Variants in ABCA10 observed in about 807,000 individuals in gnomAD.
ABCA10 encodes the protein ATP-binding cassette sub-family A member 10.
ABCA10 carries 169 observed loss-of-function variants against 187.5 expected under a neutral mutation model. The ratio of observed to expected loss-of-function variants is 0.90; its 90% CI spans 0.80 to 1.02. The LOEUF is 1.02. ABCA10 is among the 50% of genes least tolerant of loss of function. The pLI, the probability that ABCA10 is intolerant of heterozygous loss-of-function variation, is 0.00. For synonymous variants in ABCA10, 574 were observed against 601.8 expected (o/e 0.95, Z 0.68); for missense variants, 1,727 against 1,812.4 (o/e 0.95, Z 0.86).
chr17:69,195,912 G>GTT, intron 11 of ABCA10, among the ~76,000 whole-genome samples: 3 of 152,204 alleles, frequency 2.0e-5, no homozygotes, highest in Middle Eastern at 3.4e-3. Flanking sequence ...CAAGGCAGAA[G>GTT]AATTTTTCTT....
At chr17:69,166,086 T>C (rs1338496401) in intron 25 of ABCA10, among the ~76,000 whole-genome samples, 1 of 152,214 alleles carries the variant, frequency 6.6e-6, no homozygotes, top group South Asian at 2.1e-4. Flanking sequence ...GTAATAATTT[T>C]GTAGTCACCT....
At chr17:69,231,013 G>T (rs1021303848), upstream of ABCA10, among the ~76,000 whole-genome samples, 1 of 151,824 alleles carries the variant, frequency 6.6e-6, no homozygotes, top group Non-Finnish European at 1.5e-5. Context: ...TACATTCCCT[G>T]CCCAAATTTC....
chr17:69,171,015 G>C (rs920577959), intron 25 of ABCA10, among the ~76,000 whole-genome samples: 3 of 152,192 alleles, frequency 2.0e-5, no homozygotes, highest in Non-Finnish European at 4.4e-5. Context: ...TACAATCGTA[G>C]ATGGATTCTA....
upstream of ABCA10, chr17:69,233,735 G>A (rs1201245806): frequency 1.3e-5 from 2 of 152,196 alleles, no homozygotes; most frequent in Non-Finnish European, 2.9e-5. Flanking sequence ...ACTCTAAGGA[G>A]ACTGACTGTT....
chr17:69,182,627 A>G, intron 21 of ABCA10, 48 bp downstream of exon 21: 2 of 1,528,428 alleles, frequency 1.3e-6, no homozygotes, highest in Non-Finnish European at 1.7e-6. Flanking sequence ...ACGTGGCAAA[A>G]AAAACAAAAA....
chr17:69,149,433 T>C, intron 37 of ABCA10: 1 of 232,186 alleles, frequency 4.3e-6, no homozygotes, highest in Non-Finnish European at 8.4e-6. Flanking sequence ...GCTGGCTCCC[T>C]TTTCACACTT....
intron 9 of ABCA10, among the ~76,000 whole-genome samples, chr17:69,205,839 AAGAAACATGAAAATGTTGCCTATT>A: frequency 6.6e-6 from 1 of 152,342 alleles, no homozygotes; most frequent in South Asian, 2.1e-4. Flanking sequence ...GAAGGACTTA[AAGAAACATGAAAATGTTGCCTATT>A]AAAAGCTAAT....
chr17:69,180,192 G>C (rs1304551325), intron 22 of ABCA10, among the ~76,000 whole-genome samples: 2 of 152,140 alleles, frequency 1.3e-5, no homozygotes, highest in Non-Finnish European at 2.9e-5. Flanking sequence ...TTATCTGCTT[G>C]CAGTTCCCAT....
intron 9 of ABCA10, among the ~76,000 whole-genome samples, chr17:69,211,346 T>TATATATATATATA (rs2074655804): frequency 1.1e-4 from 3 of 27,752 alleles, no homozygotes; most frequent in African/African-American, 4.6e-4. Flanking sequence ...TATATATATA[T>TATATATATATATA]ATATATATAT....
chr17:69,154,158 A>G, intron 31 of ABCA10, 77 bp downstream of exon 31: 3 of 1,455,766 alleles, frequency 2.1e-6, no homozygotes, highest in African/African-American at 2.9e-5. Flanking sequence ...TTTTAAAAAG[A>G]TATTTGATTT....
upstream of ABCA10, chr17:69,233,399 G>C (rs991902201): frequency 5.9e-5 from 9 of 151,814 alleles, 1 homozygote; most frequent in Admixed American, 5.9e-4. Flanking sequence ...ACTCCGGCAT[G>C]TTTGTGGTTT....
Position 69,221,769 on chromosome 17 carries a change from T to C in ABCA10, c.303+23A>G, listed in dbSNP as rs776960708. 2.6e-5 allele frequency: 41 copies of C among 1,570,788 alleles called. No individual in the cohort carries two copies. In the African/African-American group the frequency reaches 2.9e-4, roughly 11 times the overall value. On this transcript the variant is annotated intron_variant, in intron 5 of 38. Transcript: ENST00000690296. ...GAGGGAAGAATACAGATTTAAAATA[T>C]AGCTTTGAAGTTAGGCACTTACTTC...
intron 9 of ABCA10, among the ~76,000 whole-genome samples, chr17:69,207,099 G>A (rs8081662): frequency 1.3e-5 from 2 of 152,132 alleles, no homozygotes; most frequent in East Asian, 3.8e-4. Context: ...AAACATTTCT[G>A]AAAAGGAGAC....
At chr17:69,149,422 T>C (rs543087307) in intron 37 of ABCA10, 16 of 244,126 alleles carry the variant, frequency 6.6e-5, no homozygotes, top group Admixed American at 9.9e-5. Flanking sequence ...GTCCACTCCA[T>C]GCTGGCTCCC....
At chr17:69,227,555 T>A (rs1242004852) in intron 1 of ABCA10, among the ~76,000 whole-genome samples, 1 of 151,976 alleles carries the variant, frequency 6.6e-6, no homozygotes, top group Non-Finnish European at 1.5e-5. Context: ...TTTTTTTCCA[T>A]GAAATCTTAA....
At chr17:69,212,618 T>C (rs1013399255) in intron 9 of ABCA10, among the ~76,000 whole-genome samples, 2 of 152,224 alleles carry the variant, frequency 1.3e-5, no homozygotes, top group African/African-American at 4.8e-5. Context: ...CTAGTAGTAA[T>C]TGCTTTTATA....
chr17:69,214,652 T>C (rs2074689278), intron 9 of ABCA10, 52 bp downstream of exon 9: 3 of 1,357,642 alleles, frequency 2.2e-6, no homozygotes, highest in Non-Finnish European at 2.9e-6. Flanking sequence ...TAATACATGT[T>C]TTAAGAAACA....
Position 69,175,439 on chromosome 17 carries a change from A to C in ABCA10, c.2844T>G (p.Pro948=). 1 of 1,612,250 alleles carries C rather than the reference A, an allele frequency of 6.2e-7. No individual in the cohort carries two copies. Among genetic ancestry groups the C allele is most frequent in the Non-Finnish European group, 8.5e-7 (1 of 1,178,742 alleles). Reference sequence around the variant, plus strand: ...CGCTGATGCTGCTCATGCCGATAAAAGGAGAAACGCAGTTTGTGATCAACA... The same window carrying C: ...CGCTGATGCTGCTCATGCCGATAAACGGAGAAACGCAGTTTGTGATCAACA... ...FLLLITNCVS[P]FIGMSSISDY... is the part of the protein sequence containing the mutation. The change falls in exon 23 of 39, where the codon CCT becomes CCG. Residue 948 remains proline, a synonymous_variant. Coordinates refer to ENST00000690296, the MANE Select transcript of ABCA10 (RefSeq NM_001377321.1).
At chr17:69,199,064 G>A (rs2074525344) in intron 10 of ABCA10, among the ~76,000 whole-genome samples, 1 of 152,162 alleles carries the variant, frequency 6.6e-6, no homozygotes, top group Non-Finnish European at 1.5e-5. Flanking sequence ...TACACACTGT[G>A]TCTTGCTCTA....
Sources: allele counts gnomAD v4.1 joint callset (sites outside exome capture counted in the v4.1 genomes callset), GRCh38; gene constraint gnomAD v4.1.1; transcripts MANE v1.5; gene names NCBI Gene and HGNC (gene_info 2026-07-23, HGNC 2026-07-21).